DSCAM: variants seen among roughly 807,000 people sequenced by gnomAD.
DSCAM encodes DS cell adhesion molecule.
A neutral mutation model predicts 217.7 loss-of-function variants in DSCAM; 47 were observed. The ratio of observed to expected loss-of-function variants is 0.22; its 90% CI spans 0.17 to 0.28. The LOEUF is 0.28. Among genes scored for constraint, DSCAM ranks in the 10% least tolerant of loss-of-function variants. The pLI is 1.00. For synonymous variants in DSCAM, 1,056 were observed against 1,015.3 expected (o/e 1.04, Z -0.76); for missense variants, 2,080 against 2,618.3 (o/e 0.79, Z 4.49).
intron 3 of DSCAM, among the ~76,000 whole-genome samples, chr21:40,509,187 G>C (rs1262186074): frequency 6.6e-6 from 1 of 151,990 alleles, no homozygotes; most frequent in Non-Finnish European, 1.5e-5. Flanking sequence ...TGTTACACAA[G>C]CAAGGGAAGA....
chr21:40,609,875 C>A (rs749577964), intron 3 of DSCAM, among the ~76,000 whole-genome samples: 23 of 152,242 alleles, frequency 1.5e-4, no homozygotes, highest in Non-Finnish European at 3.1e-4. Context: ...GAGACTATCA[C>A]GGCTGCCTCA....
chr21:40,013,197 T>C lies in DSCAM; in HGVS notation c.5876A>G (p.Glu1959Gly), dbSNP rs756059017. The C allele has an allele frequency of 3.7e-6, 6 of 1,613,584 alleles. No homozygotes were observed. Among genetic ancestry groups the C allele is most frequent in the Non-Finnish European group, 4.2e-6 (5 of 1,179,780 alleles). ...EAASSASSTR[E>G]GQSWQPGAVA... ...GGCCCCCGGCTGCCACGACTGTCCT[T>C]CTCTCGTGGAGGAGGCGGAGGAGGC... The change falls in exon 33 of 33, where the codon GAA becomes GGA. Residue 1959 changes from glutamate to glycine, a missense_variant. Around this residue, in one of 5 missense-constraint regions of DSCAM, gnomAD observed 145 missense variants for 138.5 expected, o/e 1.05. Coordinates refer to ENST00000400454, the MANE Select transcript of DSCAM (RefSeq NM_001389.5).
Position 40,347,702 on chromosome 21 carries a change from G to T in DSCAM, c.1178C>A (p.Ser393Tyr), listed in dbSNP as rs2074573902. ...YQCFVRKDKLSAQDYVQVVLE... is the reference protein window; with the variant it reads ...YQCFVRKDKLYAQDYVQVVLE... ...GACCACCTGCACATAGTCTTGAGCG[G>T]ACAGCTTGTCCTTGCGCACAAAGCA... is the stretch of plus-strand genomic sequence containing the variant. Residue 393 changes from serine (S) to tyrosine (Y), a missense_variant, in exon 6 of 33, where the codon TCC becomes TAC. Around this residue, in one of 5 missense-constraint regions of DSCAM, gnomAD observed 568 missense variants for 678.1 expected, o/e 0.84. Coordinates refer to ENST00000400454, the MANE Select transcript of DSCAM (RefSeq NM_001389.5). 2 of 1,613,990 alleles carry T rather than the reference G, an allele frequency of 1.2e-6. No individual in the cohort carries two copies. The highest frequency in any genetic ancestry group is 8.5e-7 in the Non-Finnish European group (1 of 1,180,014).
intron 28 of DSCAM, among the ~76,000 whole-genome samples, chr21:40,058,525 G>A (rs1308176397): frequency 6.6e-6 from 1 of 152,192 alleles, no homozygotes; most frequent in African/African-American, 2.4e-5. Flanking sequence ...TATGGCCAAA[G>A]TAGGTGCTCA....
intron 1 of DSCAM, among the ~76,000 whole-genome samples, chr21:40,766,692 C>CTTTTT (rs1197034537): frequency 2.2e-5 from 2 of 92,602 alleles, no homozygotes; most frequent in Admixed American, 1.6e-4. Flanking sequence ...AAAAAAACAA[C>CTTTTT]TTTTTTTTTT....
rs147841115 is a variant in DSCAM at position 40,265,381 on chromosome 21, C to A, written c.2356+10716G>T. ...AACAAATGGAAAAACATCCCATGTT[C>A]ATAGATTGAAAGAATCGGTATTGTG... On this transcript the variant is annotated intron_variant, in intron 11 of 32. Transcript: ENST00000400454. 6.0e-3 allele frequency among the ~76,000 whole-genome samples: 906 copies of A among 151,998 alleles called. 12 individuals carry two copies. Among genetic ancestry groups the A allele is most frequent in the African/African-American group, 0.021 (855 of 41,446 alleles).
chr21:40,256,560 A>C (rs1178902274), intron 11 of DSCAM, among the ~76,000 whole-genome samples: 3 of 152,230 alleles, frequency 2.0e-5, no homozygotes, highest in Non-Finnish European at 2.9e-5. Flanking sequence ...GGCTGTACCC[A>C]GGAAAGAACT....
intron 3 of DSCAM, among the ~76,000 whole-genome samples, chr21:40,596,637 T>C (rs2077023404): frequency 6.6e-6 from 1 of 152,164 alleles, no homozygotes. Context: ...GGTAATTTCT[T>C]GCAACAAGAA....
intron 4 of DSCAM, among the ~76,000 whole-genome samples, chr21:40,360,370 G>C (rs1047816832): frequency 2.0e-5 from 3 of 151,876 alleles, no homozygotes; most frequent in Middle Eastern, 3.2e-3. Flanking sequence ...TCCTGACCTT[G>C]TGATCCGCCC....
rs754934120 is a variant in DSCAM, at chr21:40,179,094, T to A, written c.2780A>T (p.Asp927Val). ...GGTTCTCTGAGCAGAATCCCAGGAG[T>A]CTTTTGGGTTTTGTTTTTCAAAAAA... ...GYDIECKNKS[D>V]SWDSAQRTKD... Residue 927 changes from aspartate to valine, a missense_variant and splice_region_variant, in exon 15 of 33, where the codon GAC (aspartate) becomes GTC (valine). Asp to Val is a radical substitution (Grantham distance 152, BLOSUM62 -3). Transcript: ENST00000400454. 1 of 1,608,126 alleles carries A rather than the reference T, an allele frequency of 6.2e-7. No homozygotes were observed. Among genetic ancestry groups the A allele is most frequent in the Non-Finnish European group, 8.5e-7 (1 of 1,178,364 alleles).
chr21:40,448,962 G>C (rs2075697482), intron 3 of DSCAM, among the ~76,000 whole-genome samples: 1 of 152,108 alleles, frequency 6.6e-6, no homozygotes, highest in African/African-American at 2.4e-5. Flanking sequence ...CTAAATGAAG[G>C]TGGGCAGGAC....
At chr21:40,828,658 C>CT (rs35167327) in intron 1 of DSCAM, among the ~76,000 whole-genome samples, 95,982 of 132,414 alleles carry the variant, frequency 0.72, 35,042 homozygotes, top group East Asian at 0.79. Context: ...ACCCCACCCT[C>CT]TTTTTTTTTT....
rs867787586 is a variant in DSCAM, at chr21:40,124,233, G to A, written c.3658C>T (p.Arg1220Ter). The A allele has an allele frequency of 1.2e-6, 2 of 1,613,922 alleles. No individual in the cohort carries two copies. Among genetic ancestry groups the A allele is most frequent in the Non-Finnish European group, 1.7e-6 (2 of 1,180,020 alleles). The change falls in exon 20 of 33, where the codon CGA becomes TGA. Residue 1220 changes from arginine (R) to a stop codon, truncating the protein, a stop_gained. Transcript: ENST00000400454. LOFTEE classifies it high-confidence loss of function. ...LPPLKLNGII[R>*]KYTVFCSHPY... The stretch of plus-strand genomic sequence containing the variant: ...TGGGAGCAGAATACAGTGTACTTTC[G>A]GATGATGCCGTTCAGCTTGAGAGGG...
At chr21:40,256,398 GACAGAC>G (rs367683041) in intron 11 of DSCAM, among the ~76,000 whole-genome samples, 2 of 148,994 alleles carry the variant, frequency 1.3e-5, no homozygotes, top group African/African-American at 5.2e-5. Context: ...GAGAGAGAGA[GACAGAC>G]AGAGAGAGAG....
At chr21:40,285,687 T>C (rs983029839) in intron 10 of DSCAM, among the ~76,000 whole-genome samples, 3 of 152,186 alleles carry the variant, frequency 2.0e-5, no homozygotes, top group Admixed American at 6.5e-5. Context: ...TGTCTCTTCT[T>C]GGGGAACACA....
chr21:40,473,146 A>G (rs531987179), intron 3 of DSCAM, among the ~76,000 whole-genome samples: 4 of 152,352 alleles, frequency 2.6e-5, no homozygotes, highest in South Asian at 4.1e-4. Context: ...ACCTGCAAGC[A>G]AGAATTGCCA....
Position 40,762,578 on chromosome 21 carries a change from T to C in DSCAM, c.44-53807A>G, listed in dbSNP as rs191513172. On this transcript the variant is annotated intron_variant, in intron 1 of 32. Coordinates refer to ENST00000400454, the MANE Select transcript of DSCAM (RefSeq NM_001389.5). ...TTCCTTCTGAAATTATTTCAAACAA[T>C]AGAAAAAAAGGGACTCCTCCCTAAC... Among the ~76,000 whole-genome samples the C allele has an allele frequency of 1.8e-4, 28 of 152,058 alleles. 1 individual carries two copies. Among genetic ancestry groups the C allele is most frequent in the Middle Eastern group, 6.8e-3 (2 of 294 alleles).
At chr21:40,488,040 T>C (rs1351914471) in intron 3 of DSCAM, among the ~76,000 whole-genome samples, 6 of 152,220 alleles carry the variant, frequency 3.9e-5, no homozygotes, top group Non-Finnish European at 8.8e-5. Context: ...GAGGGGTTGA[T>C]GTTTCTGTCT....
chr21:40,782,756 A>T (rs1403726049), intron 1 of DSCAM, among the ~76,000 whole-genome samples: 1 of 136,080 alleles, frequency 7.3e-6, no homozygotes, highest in African/African-American at 3.8e-5. Context: ...AAAATAAATA[A>T]AAAAAAATCA....
Sources: gnomAD v4.1 joint callset for allele counts (sites outside exome capture counted in the v4.1 genomes callset) on GRCh38, gnomAD v4.1.1 for gene constraint, gnomAD v4.1.1 regional missense constraint, MANE v1.5 for transcripts, NCBI Gene and HGNC (gene_info 2026-07-23, HGNC 2026-07-21) for gene names.